TLK2: variants seen among roughly 807,000 people sequenced by gnomAD.
TLK2 encodes tousled like kinase 2.
In TLK2, 6 loss-of-function variants were observed where a neutral mutation model predicts 117.3. The ratio of observed to expected loss-of-function variants is 0.05; its 90% confidence interval spans 0.03 to 0.10. The LOEUF (loss-of-function observed/expected upper bound fraction) is 0.10. TLK2 is among the 10% of genes least tolerant of loss of function. The pLI is 1.00. For synonymous variants in TLK2, 257 were observed against 316.7 expected (o/e 0.81, Z 2.00); for missense variants, 299 against 901.2 (o/e 0.33, Z 8.56).
rs1007332339 is a variant in TLK2, at chr17:62,499,328, C to T, written c.81+18122C>T. ...CAGCCTGGGTGACAGAGTAAGACTC[C>T]GTCTCACAAACAAAAAAAAAAGGAC... On this transcript the variant is annotated intron_variant, in intron 2 of 21. Transcript: ENST00000346027. 1.1e-4 allele frequency among the ~76,000 whole-genome samples: 17 copies of T among 151,160 alleles called. No individual in the cohort carries two copies. In the South Asian group the frequency reaches 1.3e-3, roughly 11 times the overall value.
At chr17:62,521,049 C>T (rs1280647810) in intron 3 of TLK2, among the ~76,000 whole-genome samples, 1 of 152,072 alleles carries the variant, frequency 6.6e-6, no homozygotes, top group African/African-American at 2.4e-5. Context: ...CACCTGTGGC[C>T]CCAGCTACTT....
intron 7 of TLK2, among the ~76,000 whole-genome samples, chr17:62,549,398 C>CAAAAAAAAA (rs777779302): frequency 1.6e-4 from 6 of 37,098 alleles, no homozygotes; most frequent in African/African-American, 6.2e-4. Flanking sequence ...GACTCCATCT[C>CAAAAAAAAA]AAAAAAAAAA....
chr17:62,581,354 C>T (rs138515164), intron 15 of TLK2, among the ~76,000 whole-genome samples: 2 of 151,856 alleles, frequency 1.3e-5, no homozygotes, highest in Non-Finnish European at 2.9e-5. Flanking sequence ...CAGTGTTGTG[C>T]GACTGACATC....
At chr17:62,604,861 T>A (rs1265085617) in intron 19 of TLK2, among the ~76,000 whole-genome samples, 1 of 151,366 alleles carries the variant, frequency 6.6e-6, no homozygotes, top group Admixed American at 6.6e-5. Flanking sequence ...GGAGCGAGAC[T>A]CTGTCTCAAA....
At chr17:62,522,140 G>A (rs2076087259) in intron 3 of TLK2, 64 bp from the exon 4 acceptor site, 4 of 1,542,678 alleles carry the variant, frequency 2.6e-6, no homozygotes, top group East Asian at 2.3e-5. Flanking sequence ...GTGTATACTC[G>A]CTGTTTTTCC....
chr17:62,488,798 G>C (rs1462121551), intron 2 of TLK2, among the ~76,000 whole-genome samples: 2 of 148,400 alleles, frequency 1.3e-5, no homozygotes, highest in Non-Finnish European at 3.0e-5. Context: ...TCTTCCTCTT[G>C]GTCAGTACGA....
chr17:62,608,220 G>C (rs1247808298), intron 21 of TLK2, 72 bp downstream of exon 21: 1 of 1,147,574 alleles, frequency 8.7e-7, no homozygotes, highest in East Asian at 2.4e-5. Context: ...TTGGGTAATA[G>C]TGGATGGATT....
chr17:62,594,820 ACACACACACACC>A (rs1329743742), intron 16 of TLK2, among the ~76,000 whole-genome samples: 25 of 114,234 alleles, frequency 2.2e-4, no homozygotes, highest in Non-Finnish European at 4.2e-4. Flanking sequence ...ACACACACAC[ACACACACACACC>A]CCATGTGGGT....
At chr17:62,599,536 G>A (rs757013882) in intron 17 of TLK2, among the ~76,000 whole-genome samples, 3 of 152,120 alleles carry the variant, frequency 2.0e-5, no homozygotes, top group Non-Finnish European at 2.9e-5. Context: ...ATGGGAGGGG[G>A]TCTCCACCTC....
chr17:62,600,868 T>TA, intron 18 of TLK2, 48 bp downstream of exon 18: 1 of 1,488,162 alleles, frequency 6.7e-7, no homozygotes, highest in East Asian at 2.3e-5. Flanking sequence ...TCTTTGGTCT[T>TA]ATAAGTGACT....
intron 10 of TLK2, among the ~76,000 whole-genome samples, chr17:62,564,508 C>T (rs1262191545): frequency 7.8e-6 from 1 of 128,550 alleles, no homozygotes; most frequent in Non-Finnish European, 1.6e-5. Context: ...TGCACTCCAG[C>T]TTGGGCAACA....
chr17:62,591,357 T>TAA (rs112140835), intron 16 of TLK2, among the ~76,000 whole-genome samples: 1 of 144,494 alleles, frequency 6.9e-6, no homozygotes, highest in Admixed American at 6.9e-5. Flanking sequence ...ATATGTAATT[T>TAA]AAAAAAAAAA....
chr17:62,565,381 G>A (rs1297635163), intron 11 of TLK2, among the ~76,000 whole-genome samples: 3 of 152,136 alleles, frequency 2.0e-5, no homozygotes, highest in Admixed American at 6.5e-5. Context: ...CAGGCCAGGC[G>A]CGGTGGCTCA....
chr17:62,603,952 A>G (rs1305005548), intron 19 of TLK2, among the ~76,000 whole-genome samples: 2 of 151,460 alleles, frequency 1.3e-5, no homozygotes, highest in Non-Finnish European at 2.9e-5. Context: ...TGGTTACAGA[A>G]TTCTTCTACA....
At chr17:62,540,872 T>A (rs2077478916) in intron 7 of TLK2, among the ~76,000 whole-genome samples, 1 of 152,198 alleles carries the variant, frequency 6.6e-6, no homozygotes, top group African/African-American at 2.4e-5. Flanking sequence ...GCCACTCCCC[T>A]GTCGAAAAGT....
chr17:62,587,378 C>T, intron 16 of TLK2, among the ~76,000 whole-genome samples: 1 of 152,128 alleles, frequency 6.6e-6, no homozygotes, highest in African/African-American at 2.4e-5. Context: ...AAGCAAACAC[C>T]TCCTTTCTAT....
At chr17:62,535,755 C>T (rs1443414251) in intron 6 of TLK2, among the ~76,000 whole-genome samples, 2 of 145,328 alleles carry the variant, frequency 1.4e-5, no homozygotes, top group Admixed American at 1.4e-4. Flanking sequence ...GCCTGGGCAA[C>T]AAGAATGAAA....
chr17:62,521,515 C>T (rs1280845761), intron 3 of TLK2, among the ~76,000 whole-genome samples: 1 of 152,260 alleles, frequency 6.6e-6, no homozygotes, highest in South Asian at 2.1e-4. Context: ...AGCAGTCCTC[C>T]TGTCTCAGCC....
chr17:62,609,544 T>TG (rs898268389), intron 21 of TLK2, among the ~76,000 whole-genome samples: 1 of 152,236 alleles, frequency 6.6e-6, no homozygotes, highest in Non-Finnish European at 1.5e-5. Flanking sequence ...AATTCCTGAC[T>TG]GATGGCTCCC....
Sources: allele counts gnomAD v4.1 joint callset (sites outside exome capture counted in the v4.1 genomes callset), GRCh38; gene constraint gnomAD v4.1.1; transcripts MANE v1.5; gene names NCBI Gene and HGNC (gene_info 2026-07-23, HGNC 2026-07-21).